The following ENTHD1 variants were observed in gnomAD, a reference collection of about 807,000 sequenced individuals.
ENTHD1 encodes the protein ENTH domain containing 1, also known as ENTH domain-containing protein 1.
Under a neutral mutation model 39.1 loss-of-function variants are expected in ENTHD1, and 23 were observed. The ratio of observed to expected loss-of-function variants is 0.59; its 90% confidence interval spans 0.42 to 0.83. The LOEUF (loss-of-function observed/expected upper bound fraction) is 0.83. Ranked by LOEUF, ENTHD1 falls within the 40% of genes least tolerant of loss-of-function variation. The pLI is 0.00. For missense variants in ENTHD1, 624 were observed against 705.4 expected, an observed-to-expected ratio of 0.88 and a Z score of 1.31; for synonymous variants, 230 against 258.2, an observed-to-expected ratio of 0.89 and a Z score of 1.05.
At chr22:39,884,509 C>T (rs2066365184) in intron 2 of ENTHD1, among the ~76,000 whole-genome samples, 1 of 151,040 alleles carries the variant, frequency 6.6e-6, no homozygotes, top group African/African-American at 2.4e-5. Context: ...AATTCGTAAG[C>T]TGGTACTAAA....
At chr22:39,790,838 A>C (rs1417737575) in intron 5 of ENTHD1, among the ~76,000 whole-genome samples, 2 of 152,226 alleles carry the variant, frequency 1.3e-5, no homozygotes, top group Non-Finnish European at 2.9e-5. Context: ...CCCACAAGGG[A>C]GTTGGGTGAA....
rs530095824 is a variant in ENTHD1, at chr22:39,886,593, C to T, written c.349+807G>A. Among the ~76,000 whole-genome samples, 9 of 152,266 alleles carry T rather than the reference C, an allele frequency of 5.9e-5. No individual in the cohort carries two copies. The East Asian group carries it at 1.7e-3, about 29-fold the overall frequency. ...AGGTCTATTTTTAAAATGCATGCTT[C>T]CCAGAGAGAATGCTCTGAATTTTAT... On this transcript the variant is annotated intron_variant, in intron 2 of 6. Transcript: ENST00000325157.
intron 6 of ENTHD1, 69 bp downstream of exon 6, chr22:39,765,154 A>G: frequency 6.9e-7 from 1 of 1,451,848 alleles, no homozygotes; most frequent in Non-Finnish European, 9.0e-7. Flanking sequence ...AAGTAAAATA[A>G]TGCTTCAAAA....
At position 39,884,056 on chromosome 22, in the gene ENTHD1, A is replaced by C. The variant is rs577679149; in HGVS notation, c.349+3344T>G. Among the ~76,000 whole-genome samples the C allele has an allele frequency of 1.3e-3, 187 of 148,854 alleles. 2 individuals carry two copies. The highest frequency in any genetic ancestry group is 2.3e-3 in the Admixed American group (35 of 15,230). On this transcript the variant is annotated intron_variant, in intron 2 of 6. Coordinates refer to ENST00000325157, the MANE Select transcript of ENTHD1 (RefSeq NM_152512.4). ...TGAAAGAAATGGAAAAAAGATCTAA[A>C]TAAAAAGAAAGACATCCTGTGTACA...
intron 6 of ENTHD1, among the ~76,000 whole-genome samples, chr22:39,747,076 A>G (rs2065111064): frequency 6.6e-6 from 1 of 152,100 alleles, no homozygotes; most frequent in Non-Finnish European, 1.5e-5. Flanking sequence ...TGCAGCCTCA[A>G]CCTGGGCTCA....
intron 3 of ENTHD1, among the ~76,000 whole-genome samples, chr22:39,849,627 T>A (rs549244181): frequency 6.6e-6 from 1 of 152,358 alleles, no homozygotes; most frequent in East Asian, 1.9e-4. Context: ...ACTTCTTTTG[T>A]AAGACTTATT....
At chr22:39,805,522 T>C (rs2065633640) in intron 5 of ENTHD1, among the ~76,000 whole-genome samples, 2 of 152,182 alleles carry the variant, frequency 1.3e-5, no homozygotes, top group Non-Finnish European at 2.9e-5. Flanking sequence ...AACGTATCAA[T>C]TAATGTGGGC....
chr22:39,748,991 T>C (rs1413318681), intron 6 of ENTHD1, among the ~76,000 whole-genome samples: 1 of 152,218 alleles, frequency 6.6e-6, no homozygotes, highest in Non-Finnish European at 1.5e-5. Flanking sequence ...CTTTCTACTA[T>C]TTAGCCACCT....
chr22:39,765,820 C>T lies in ENTHD1; in HGVS notation c.833-211G>A, dbSNP rs531966220. On this transcript the variant is annotated intron_variant, in intron 5 of 6. Coordinates refer to ENST00000325157, the MANE Select transcript of ENTHD1 (RefSeq NM_152512.4). ...ACGCCTTAGTCATTTTGGTAGCTGC[C>T]TTCTCCCTCTCTCCTCACTGAAGCA... 5.3e-5 allele frequency among the ~76,000 whole-genome samples: 8 copies of T among 151,776 alleles called. No homozygotes were observed. The South Asian group carries it at 1.7e-3, about 32-fold the overall frequency.
chr22:39,853,492 CT>C (rs2066060846), intron 3 of ENTHD1, among the ~76,000 whole-genome samples: 1 of 152,134 alleles, frequency 6.6e-6, no homozygotes, highest in African/African-American at 2.4e-5. Context: ...AATCGTGCCA[CT>C]GCACTCTAGC....
At chr22:39,813,514 C>A (rs1191601298) in intron 5 of ENTHD1, among the ~76,000 whole-genome samples, 6 of 152,130 alleles carry the variant, frequency 3.9e-5, no homozygotes, top group African/African-American at 1.4e-4. Context: ...AGGAGAAAAA[C>A]CTGTAACTAT....
intron 4 of ENTHD1, among the ~76,000 whole-genome samples, chr22:39,831,065 G>T (rs1304872678): frequency 1.3e-5 from 2 of 152,186 alleles, no homozygotes; most frequent in Admixed American, 1.3e-4. Flanking sequence ...ACTGCTGAAG[G>T]CTACAGTGTC....
chr22:39,892,228 T>C (rs1243795595), intron 1 of ENTHD1, among the ~76,000 whole-genome samples: 3 of 152,202 alleles, frequency 2.0e-5, no homozygotes, highest in African/African-American at 2.4e-5. Flanking sequence ...AAAGGTCTTT[T>C]AGTGTTATTT....
At chr22:39,799,484 G>A (rs753032295) in intron 5 of ENTHD1, among the ~76,000 whole-genome samples, 15 of 152,158 alleles carry the variant, frequency 9.9e-5, no homozygotes, top group Admixed American at 9.2e-4. Context: ...ACATTGAAAG[G>A]TGAGGAGGGC....
intron 5 of ENTHD1, among the ~76,000 whole-genome samples, chr22:39,817,196 T>C (rs1430610882): frequency 6.6e-6 from 1 of 152,198 alleles, no homozygotes; most frequent in Non-Finnish European, 1.5e-5. Flanking sequence ...AAGGGCTGTT[T>C]GGCTGTATGA....
chr22:39,789,160 CT>C (rs1048621487), intron 5 of ENTHD1, among the ~76,000 whole-genome samples: 9 of 152,140 alleles, frequency 5.9e-5, no homozygotes, highest in African/African-American at 1.7e-4. Context: ...ATCTTCACTA[CT>C]GTGAATAATG....
At chr22:39,801,296 G>C (rs2065596543) in intron 5 of ENTHD1, among the ~76,000 whole-genome samples, 1 of 152,194 alleles carries the variant, frequency 6.6e-6, no homozygotes, top group South Asian at 2.1e-4. Flanking sequence ...AATTGCTGTA[G>C]TAATTGCTGT....
chr22:39,766,769 A>G (rs1405356217), intron 5 of ENTHD1, among the ~76,000 whole-genome samples: 1 of 152,148 alleles, frequency 6.6e-6, no homozygotes, highest in African/African-American at 2.4e-5. Flanking sequence ...CTTCCTTTTC[A>G]TTTTCATCTG....
chr22:39,878,205 G>A (rs1173258124), intron 2 of ENTHD1, among the ~76,000 whole-genome samples: 1 of 152,120 alleles, frequency 6.6e-6, no homozygotes, highest in Non-Finnish European at 1.5e-5. Context: ...ACACAGCTGA[G>A]GAAAGAATCT....
Sources: allele counts gnomAD v4.1 joint callset (sites outside exome capture counted in the v4.1 genomes callset), GRCh38; gene constraint gnomAD v4.1.1; transcripts MANE v1.5; gene names NCBI Gene and HGNC (gene_info 2026-07-23, HGNC 2026-07-21).